The following AJAP1 variants were observed in gnomAD, a reference collection of about 807,000 sequenced individuals.
The protein encoded by AJAP1 is adherens junctions associated protein 1.
Under a neutral mutation model 35.0 loss-of-function variants are expected in AJAP1, and 5 were observed. The observed-to-expected ratio is 0.14, with a 90% CI of 0.07 to 0.30. The LOEUF is 0.30. Ranked by LOEUF, AJAP1 falls within the 10% of genes least tolerant of loss-of-function variation. AJAP1 has a pLI of 1.00. For missense variants in AJAP1, 586 were observed against 571.0 expected (o/e 1.03, Z -0.27); for synonymous variants, 284 against 249.3 (o/e 1.14, Z -1.31).
intron 2 of AJAP1, among the ~76,000 whole-genome samples, chr1:4,716,127 G>A (rs544863887): frequency 2.0e-5 from 3 of 152,344 alleles, no homozygotes; most frequent in Admixed American, 6.5e-5. Context: ...GAGAGGAAAC[G>A]TGGCTGGTGA....
intron 1 of AJAP1, among the ~76,000 whole-genome samples, chr1:4,689,463 A>G (rs1286368865): frequency 6.6e-6 from 1 of 152,200 alleles, no homozygotes; most frequent in Non-Finnish European, 1.5e-5. Flanking sequence ...CGTTCCTGGC[A>G]GGATCATGCA....
chr1:4,784,751 A>G lies in AJAP1; in HGVS notation c.*2266A>G, dbSNP rs752360721. On this transcript the variant is annotated 3_prime_UTR_variant, in exon 6 of 6. Transcript: ENST00000378191. The stretch of plus-strand genomic sequence containing the variant: ...CCAAGCTTTGGCACATCCTGAGACA[A>G]TGCAAACATCCGCCACTGGCATTTG... 11 of 152,380 alleles carry G rather than the reference A, an allele frequency of 7.2e-5. No homozygotes were observed. Among genetic ancestry groups the G allele is most frequent in the East Asian group, 1.9e-4 (1 of 5,188 alleles). The allele number at this position is 152,380 out of a possible 1,614,324, so 9.4% of individuals were successfully genotyped here.
At chr1:4,769,074 T>G (rs1452533536) in intron 2 of AJAP1, among the ~76,000 whole-genome samples, 1 of 152,156 alleles carries the variant, frequency 6.6e-6, no homozygotes, top group Admixed American at 6.5e-5. Context: ...CTGCCCCACT[T>G]CTGAAGTGGC....
intron 2 of AJAP1, among the ~76,000 whole-genome samples, chr1:4,717,784 A>G (rs1224082884): frequency 6.6e-6 from 1 of 152,192 alleles, no homozygotes; most frequent in Non-Finnish European, 1.5e-5. Context: ...TCTAAACACC[A>G]GAGTTGGAGT....
At position 4,734,724 on chromosome 1, in the gene AJAP1, G is replaced by A. The variant is rs1222202263; in HGVS notation, c.829+22025G>A. ...GAATATGATGCATGATCTGTCTTTCGGGTGTTCTTGGAAGGAAGGAGAAGG... is the reference window on the plus strand; with the variant it reads ...GAATATGATGCATGATCTGTCTTTCAGGTGTTCTTGGAAGGAAGGAGAAGG... On this transcript the variant is annotated intron_variant, in intron 2 of 5. Transcript: ENST00000378191. This position sits in a 1 kb window ranked among gnomAD's most constrained non-coding sequence, Gnocchi z 4.3. 1.3e-5 allele frequency among the ~76,000 whole-genome samples: 2 copies of A among 152,128 alleles called. No homozygotes were observed. Among genetic ancestry groups the A allele is most frequent in the Admixed American group, 6.5e-5 (1 of 15,280 alleles).
Position 4,786,769 on chromosome 1 carries a change from A to ACT in AJAP1, c.*4288_*4289dup, listed in dbSNP as rs1642166650. On this transcript the variant is annotated 3_prime_UTR_variant, in exon 6 of 6. Coordinates refer to ENST00000378191, the MANE Select transcript of AJAP1 (RefSeq NM_018836.4). ...ACCAGGAACCGGGAGTGAGGCTGGG[A>ACT]CTCTCACTCAGCCTTTTCACGGTCA... The ACT allele has an allele frequency of 6.6e-6, 1 of 151,856 alleles. No homozygotes were observed. The allele number at this position is 151,856 out of a possible 1,614,324, so 9.4% of individuals were successfully genotyped here.
chr1:4,740,488 C>T (rs926371399), intron 2 of AJAP1, among the ~76,000 whole-genome samples: 3 of 141,830 alleles, frequency 2.1e-5, no homozygotes, highest in Non-Finnish European at 4.6e-5. Flanking sequence ...CCAAACTGTA[C>T]GCTTAAAAAG....
At chr1:4,726,544 G>A (rs542510435) in intron 2 of AJAP1, among the ~76,000 whole-genome samples, 7 of 152,214 alleles carry the variant, frequency 4.6e-5, no homozygotes, top group South Asian at 4.1e-4. Context: ...GGTCTGGGCC[G>A]GAGGAAGAGG....
intron 3 of AJAP1, among the ~76,000 whole-genome samples, chr1:4,770,513 A>G (rs1452909502): frequency 1.3e-5 from 2 of 152,118 alleles, no homozygotes; most frequent in African/African-American, 4.8e-5. Flanking sequence ...CACACCTGAT[A>G]AGCCCCTGAG....
intron 1 of AJAP1, among the ~76,000 whole-genome samples, chr1:4,657,639 G>A (rs1638910170): frequency 6.7e-6 from 1 of 149,920 alleles, no homozygotes; most frequent in Non-Finnish European, 1.5e-5. Context: ...GGTAGACACT[G>A]AGCCTCCAGC....
At chr1:4,687,128 C>T (rs12145619) in intron 1 of AJAP1, among the ~76,000 whole-genome samples, 1 of 151,992 alleles carries the variant, frequency 6.6e-6, no homozygotes, top group Non-Finnish European at 1.5e-5. Context: ...CTTTCCTTTC[C>T]TCCTCTTTAC....
At chr1:4,658,967 A>C (rs561464772) in intron 1 of AJAP1, among the ~76,000 whole-genome samples, 1 of 152,276 alleles carries the variant, frequency 6.6e-6, no homozygotes, top group African/African-American at 2.4e-5. Context: ...CCACTTCCAC[A>C]GCGCCAGTCC....
At chr1:4,764,608 A>G (rs1641640595) in intron 2 of AJAP1, among the ~76,000 whole-genome samples, 2 of 152,188 alleles carry the variant, frequency 1.3e-5, no homozygotes, top group South Asian at 4.1e-4. Flanking sequence ...CCTGTCACCT[A>G]TCAAACTTAC....
At chr1:4,707,630 C>T (rs1640127855) in intron 1 of AJAP1, among the ~76,000 whole-genome samples, 2 of 152,168 alleles carry the variant, frequency 1.3e-5, no homozygotes, top group South Asian at 4.1e-4. Flanking sequence ...TCCATTGTAA[C>T]ATTATGCCAG....
rs541373663 is a variant in AJAP1, at chr1:4,782,135, G to A, written c.*60-410G>A. Among the ~76,000 whole-genome samples, 22 of 152,286 alleles carry A rather than the reference G, an allele frequency of 1.4e-4. No individual in the cohort carries two copies. Among genetic ancestry groups the A allele is most frequent in the African/African-American group, 5.3e-4 (22 of 41,566 alleles). ...GCAGGCCCCACGCCACCCTCCATGGGAGGAAACTGGACAGAGAGTGAGAGC... is the reference window on the plus strand; with the variant it reads ...GCAGGCCCCACGCCACCCTCCATGGAAGGAAACTGGACAGAGAGTGAGAGC... On this transcript the variant is annotated intron_variant, in intron 5 of 5. Transcript: ENST00000378191. This position sits in a 1 kb window ranked among gnomAD's most constrained non-coding sequence, Gnocchi z 5.3.
chr1:4,700,857 AGCT>A (rs1159568838), intron 1 of AJAP1, among the ~76,000 whole-genome samples: 1 of 152,206 alleles, frequency 6.6e-6, no homozygotes, highest in Non-Finnish European at 1.5e-5. Flanking sequence ...TTCGTGGGGC[AGCT>A]GGTCTGGACT....
intron 2 of AJAP1, among the ~76,000 whole-genome samples, chr1:4,736,243 G>A (rs965431254): frequency 3.3e-5 from 5 of 152,100 alleles, no homozygotes; most frequent in African/African-American, 4.8e-5. Flanking sequence ...GTTGCCCCTC[G>A]CCTGCTCAAG....
At chr1:4,772,104 AG>A (rs1641848639) in intron 3 of AJAP1, among the ~76,000 whole-genome samples, 175 bp from the exon 4 acceptor site, 2 of 148,420 alleles carry the variant, frequency 1.3e-5, no homozygotes, top group African/African-American at 2.5e-5. Flanking sequence ...TTAAAAAAAA[AG>A]AGTTGATTGC....
intron 2 of AJAP1, among the ~76,000 whole-genome samples, chr1:4,737,678 T>C (rs1368893521): frequency 6.6e-6 from 1 of 152,210 alleles, no homozygotes; most frequent in African/African-American, 2.4e-5. Flanking sequence ...AGAATCACTT[T>C]AGCCCAGGAA....
Sources: gnomAD v4.1 joint callset for allele counts (sites outside exome capture counted in the v4.1 genomes callset) on GRCh38, gnomAD v4.1.1 for gene constraint, Gnocchi (gnomAD v3.1) non-coding constraint, MANE v1.5 for transcripts, NCBI Gene and HGNC (gene_info 2026-07-23, HGNC 2026-07-21) for gene names.